FAM107B: variants seen among roughly 807,000 people sequenced by gnomAD.
The protein encoded by FAM107B is protein FAM107B.
A neutral mutation model predicts 31.5 loss-of-function variants in FAM107B; 21 were observed. The ratio of observed to expected loss-of-function variants is 0.67; its 90% confidence interval spans 0.47 to 0.96. The LOEUF (loss-of-function observed/expected upper bound fraction) is 0.96. FAM107B is among the 40% of genes least tolerant of loss of function. FAM107B has a pLI of 0.00. For synonymous variants in FAM107B, 157 were observed against 141.5 expected (o/e 1.11, Z -0.78); for missense variants, 452 against 377.1 (o/e 1.20, Z -1.64).
chr10:14,592,352 G>A (rs576858581), intron 2 of FAM107B, among the ~76,000 whole-genome samples: 16 of 152,312 alleles, frequency 1.1e-4, no homozygotes, highest in Middle Eastern at 3.4e-3. Context: ...CAGCAGGTTC[G>A]TAGCAACTCT....
At chr10:14,561,253 C>G (rs1049799780) in intron 2 of FAM107B, among the ~76,000 whole-genome samples, 1 of 152,220 alleles carries the variant, frequency 6.6e-6, no homozygotes, top group Non-Finnish European at 1.5e-5. Flanking sequence ...CTCTTGGGAG[C>G]CTGCATTCAG....
chr10:14,567,456 T>C (rs1440606617), intron 2 of FAM107B, among the ~76,000 whole-genome samples: 1 of 151,870 alleles, frequency 6.6e-6, no homozygotes, highest in Non-Finnish European at 1.5e-5. Flanking sequence ...GGAAAAGTCA[T>C]TATGGAGAGG....
intron 2 of FAM107B, among the ~76,000 whole-genome samples, chr10:14,536,061 T>G (rs1174455956): frequency 1.3e-5 from 2 of 152,252 alleles, no homozygotes; most frequent in East Asian, 3.8e-4. Flanking sequence ...ACCCAGACCG[T>G]AGCTGGCTTG....
rs572142443 is a variant in FAM107B at position 14,585,738 on chromosome 10, A to G, written c.470-55223T>C. Among the ~76,000 whole-genome samples the G allele has an allele frequency of 3.2e-4, 48 of 152,282 alleles. 1 individual carries two copies. The highest frequency in any genetic ancestry group is 3.0e-3 in the Admixed American group (46 of 15,294). On this transcript the variant is annotated intron_variant, in intron 2 of 4. Transcript: ENST00000181796. ...CGCCCATGAGACAGGTAAACCATGG[A>G]CTCACCACAGAACCTTGTGTGGTCA...
At chr10:14,674,457 T>C (rs1449534458) in intron 1 of FAM107B, among the ~76,000 whole-genome samples, 3 of 152,208 alleles carry the variant, frequency 2.0e-5, no homozygotes, top group Non-Finnish European at 2.9e-5. Flanking sequence ...GCACCCTTTA[T>C]AATGTAAAAC....
chr10:14,760,602 T>A (rs1319520454), intron 1 of FAM107B, among the ~76,000 whole-genome samples: 2 of 149,728 alleles, frequency 1.3e-5, no homozygotes, highest in Non-Finnish European at 2.9e-5. Flanking sequence ...GATGTACGTT[T>A]TTTCACAATT....
chr10:14,556,736 C>A (rs527336033), intron 2 of FAM107B, among the ~76,000 whole-genome samples: 17 of 152,356 alleles, frequency 1.1e-4, no homozygotes, highest in African/African-American at 4.1e-4. Flanking sequence ...AAATATAGCA[C>A]CCAGGTTTTC....
At chr10:14,737,615 A>AAAACAAAC (rs557002907) in intron 1 of FAM107B, among the ~76,000 whole-genome samples, 6,289 of 151,624 alleles carry the variant, frequency 0.041, 252 homozygotes, top group African/African-American at 0.1. Flanking sequence ...CTCGGCCTCC[A>AAAACAAAC]AAACAAACAA....
chr10:14,577,331 A>C (rs1167877946), intron 2 of FAM107B, among the ~76,000 whole-genome samples: 1 of 152,224 alleles, frequency 6.6e-6, no homozygotes, highest in East Asian at 1.9e-4. Flanking sequence ...GGCCCAATGG[A>C]GAAAGAATCA....
chr10:14,677,600 G>C (rs981404255), intron 1 of FAM107B, among the ~76,000 whole-genome samples: 1 of 151,754 alleles, frequency 6.6e-6, no homozygotes, highest in African/African-American at 2.4e-5. Context: ...CAGCCTGGGC[G>C]ACAGAGCGAG....
At chr10:14,708,894 AG>A (rs1422701851) in intron 1 of FAM107B, among the ~76,000 whole-genome samples, 2 of 66,474 alleles carry the variant, frequency 3.0e-5, no homozygotes, top group Non-Finnish European at 7.6e-5. Context: ...TGCTCAATAT[AG>A]ATGTCATTAG....
chr10:14,754,454 G>T (rs992442808), intron 1 of FAM107B, among the ~76,000 whole-genome samples: 1 of 152,180 alleles, frequency 6.6e-6, no homozygotes, highest in African/African-American at 2.4e-5. Flanking sequence ...GACAACAGAA[G>T]AAAGTCCATG....
rs1179677137 is a variant in FAM107B at position 14,721,057 on chromosome 10, A to G, written c.411+53196T>C. Among the ~76,000 whole-genome samples, 5 of 150,526 alleles carry G rather than the reference A, an allele frequency of 3.3e-5. 1 individual carries two copies. Among genetic ancestry groups the G allele is most frequent in the Non-Finnish European group, 7.4e-5 (5 of 67,770 alleles). On this transcript the variant is annotated intron_variant, in intron 1 of 4. Transcript: ENST00000181796. Reference sequence around the variant, plus strand: ...CCCCGCCCCGTGTTCAAGTGTTCTCATTGTTCAATTCCCACCCATGAGTGA... The same window carrying G: ...CCCCGCCCCGTGTTCAAGTGTTCTCGTTGTTCAATTCCCACCCATGAGTGA...
chr10:14,751,978 T>C (rs540653438), intron 1 of FAM107B, among the ~76,000 whole-genome samples: 2 of 152,324 alleles, frequency 1.3e-5, no homozygotes, highest in South Asian at 2.1e-4. Context: ...GTTTAATCCA[T>C]GGCACCTCCC....
In FAM107B at chr10:14,523,125, A is replaced by G. The variant is rs561827849; in HGVS notation, c.654-1106T>C. Among the ~76,000 whole-genome samples the G allele has an allele frequency of 3.4e-4, 52 of 152,228 alleles. 1 individual carries two copies. The highest frequency in any genetic ancestry group is 3.5e-4 in the Non-Finnish European group (24 of 68,044). On this transcript the variant is annotated intron_variant, in intron 3 of 4. Transcript: ENST00000181796. ...ATGTCTTAGCATTTTCTCTAGTGCT[A>G]TATCTGTCTGTTTAACTGTTAGCTT...
intron 2 of FAM107B, among the ~76,000 whole-genome samples, chr10:14,634,978 ACTC>A (rs1269616383): frequency 6.6e-6 from 1 of 152,000 alleles, no homozygotes; most frequent in Non-Finnish European, 1.5e-5. Flanking sequence ...AATCCCAGCT[ACTC>A]GGCAGGCTGA....
intron 1 of FAM107B, among the ~76,000 whole-genome samples, chr10:14,730,832 G>A (rs12252364): frequency 0.026 from 4,015 of 152,166 alleles, 199 homozygotes; most frequent in African/African-American, 0.092. Flanking sequence ...CCTCAGTCCC[G>A]GGCAAACCAG....
intron 1 of FAM107B, among the ~76,000 whole-genome samples, chr10:14,730,152 C>T (rs932314412): frequency 6.6e-6 from 1 of 152,112 alleles, no homozygotes; most frequent in African/African-American, 2.4e-5. Context: ...ACATGTATAC[C>T]TATGAAACAA....
At chr10:14,635,984 A>G (rs2131425202) in intron 2 of FAM107B, among the ~76,000 whole-genome samples, 1 of 152,274 alleles carries the variant, frequency 6.6e-6, no homozygotes, top group Admixed American at 6.5e-5. Flanking sequence ...CTGTGGAGCC[A>G]GGTGCACAAT....
Sources: gnomAD v4.1 joint callset for allele counts (sites outside exome capture counted in the v4.1 genomes callset) on GRCh38, gnomAD v4.1.1 for gene constraint, MANE v1.5 for transcripts, NCBI Gene and HGNC (gene_info 2026-07-23, HGNC 2026-07-21) for gene names.